Variants in TOGARAM1 observed in about 807,000 individuals in gnomAD.
TOGARAM1 encodes the protein TOG array regulator of axonemal microtubules protein 1.
TOGARAM1 carries 100 observed loss-of-function variants against 166.6 expected under a neutral mutation model. The observed-to-expected ratio is 0.60, with a 90% confidence interval of 0.51 to 0.71. The LOEUF (loss-of-function observed/expected upper bound fraction) is 0.71. TOGARAM1 is among the 30% of genes least tolerant of loss of function. The pLI is 0.00. For synonymous variants in TOGARAM1, 758 were observed against 763.8 expected, an observed-to-expected ratio of 0.99 and a Z score of 0.13; for missense variants, 2,029 against 2,102.7, an observed-to-expected ratio of 0.96 and a Z score of 0.69.
intron 1 of TOGARAM1, among the ~76,000 whole-genome samples, chr14:44,981,540 T>G (rs547483530): frequency 6.6e-6 from 1 of 152,310 alleles, no homozygotes; most frequent in South Asian, 2.1e-4. Flanking sequence ...TTCTTATACA[T>G]TACAGCCTAC....
intron 15 of TOGARAM1, among the ~76,000 whole-genome samples, chr14:45,053,750 A>G (rs951049216): frequency 4.2e-4 from 64 of 152,298 alleles, no homozygotes; most frequent in African/African-American, 1.5e-3. Context: ...GTTCTCATCA[A>G]AATGTTTATT....
In TOGARAM1 at chr14:45,011,778, A is replaced by AAT. The variant is rs754565793; in HGVS notation, c.3138-190_3138-189dup. On this transcript the variant is annotated intron_variant, in intron 6 of 19. Coordinates refer to ENST00000361462, the MANE Select transcript of TOGARAM1 (RefSeq NM_001308120.2). ...CCAAAAGGTGAACTAAGAATAGCAAAATATATATGTGTGTGTGTGTGTGTG... is the reference window on the plus strand; with the variant it reads ...CCAAAAGGTGAACTAAGAATAGCAAAATATATATATGTGTGTGTGTGTGTGTG... 743 of 402,140 alleles carry AAT rather than the reference A, an allele frequency of 1.8e-3. 2 individuals are homozygous for AAT. Among genetic ancestry groups the AAT allele is most frequent in the Non-Finnish European group, 2.7e-3 (623 of 227,494 alleles). The allele number at this position is 402,140 out of a possible 1,614,324, so 24.9% of individuals were successfully genotyped here. A position where few individuals can be genotyped will look rare whatever the true frequency, so the allele number is the denominator to read the frequency against.
chr14:45,063,479 G>GTTTTTTTTTTTTTTTTT lies in TOGARAM1; in HGVS notation c.4560-3093_4560-3077dup, dbSNP rs373702236. 4.5e-4 allele frequency among the ~76,000 whole-genome samples: 54 copies of GTTTTTTTTTTTTTTTTT among 118,686 alleles called. 1 individual carries two copies. The highest frequency in any genetic ancestry group is 1.7e-3 in the African/African-American group (48 of 27,704). The allele number at this position is 118,686 out of a possible 152,430, so 77.9% of individuals were successfully genotyped here. On this transcript the variant is annotated intron_variant, in intron 16 of 19. Coordinates refer to ENST00000361462, the MANE Select transcript of TOGARAM1 (RefSeq NM_001308120.2). ...ATAAACTAGTATCTCATTTGACAAAGTTTTTTTTTTTTTTTTTTTTTTGGA... is the reference window on the plus strand; with the variant it reads ...ATAAACTAGTATCTCATTTGACAAAGTTTTTTTTTTTTTTTTTTTTTTTTTTTTTTTTTTTTTTTGGA...
intron 1 of TOGARAM1, among the ~76,000 whole-genome samples, chr14:44,964,966 A>AG (rs1885440944): frequency 6.7e-6 from 1 of 150,296 alleles, no homozygotes; most frequent in Non-Finnish European, 1.5e-5. Flanking sequence ...AAAAAAAAAA[A>AG]AAAAAAAGGA....
intron 7 of TOGARAM1, 154 bp from the exon 8 acceptor site, chr14:45,025,629 C>A (rs1880789484): frequency 2.7e-5 from 13 of 488,194 alleles, no homozygotes; most frequent in South Asian, 1.2e-4. Context: ...CAGTTACAAA[C>A]ATTTATAATG....
chr14:45,071,643 C>A, intron 18 of TOGARAM1, 69 bp from the exon 19 acceptor site: 1 of 999,618 alleles, frequency 1.0e-6, no homozygotes. Flanking sequence ...CTTTTCAATG[C>A]TATGTAATGG....
At chr14:45,044,540 C>CAA (rs11393574) in intron 12 of TOGARAM1, 95 bp from the exon 13 acceptor site, 77,875 of 583,264 alleles carry the variant, frequency 0.13, 7 homozygotes, top group Non-Finnish European at 0.15. Flanking sequence ...GACCCTAACT[C>CAA]AAAAAAAAAA....
chr14:45,031,092 A>G (rs1431156970), intron 10 of TOGARAM1, among the ~76,000 whole-genome samples: 1 of 152,198 alleles, frequency 6.6e-6, no homozygotes, highest in East Asian at 1.9e-4. Context: ...TGCAACATCA[A>G]GTGAAATCTC....
intron 15 of TOGARAM1, 48 bp downstream of exon 15, chr14:45,052,610 G>C: frequency 1.3e-5 from 19 of 1,516,908 alleles, no homozygotes; most frequent in Non-Finnish European, 1.7e-5. Context: ...AGCAAAGCTT[G>C]TTTTTACATC....
intron 19 of TOGARAM1, among the ~76,000 whole-genome samples, 153 bp downstream of exon 19, chr14:45,071,951 G>A (rs926077684): frequency 2.0e-5 from 3 of 152,130 alleles, no homozygotes; most frequent in African/African-American, 7.2e-5. Context: ...AACCTTTTAA[G>A]ACTTTTACCC....
intron 16 of TOGARAM1, among the ~76,000 whole-genome samples, chr14:45,061,897 A>G (rs905227930): frequency 6.6e-6 from 1 of 152,124 alleles, no homozygotes; most frequent in Non-Finnish European, 1.5e-5. Context: ...TACAGGTGCT[A>G]TTTAGAAGTG....
intron 11 of TOGARAM1, among the ~76,000 whole-genome samples, chr14:45,036,027 G>A (rs546626609): frequency 6.6e-6 from 1 of 150,608 alleles, no homozygotes; most frequent in East Asian, 1.9e-4. Flanking sequence ...CTAATCAGGA[G>A]GCTGAGGCAG....
At chr14:45,002,440 G>A (rs755800888) in intron 3 of TOGARAM1, among the ~76,000 whole-genome samples, 48 of 152,100 alleles carry the variant, frequency 3.2e-4, no homozygotes, top group Non-Finnish European at 5.4e-4. Context: ...GGGATACCAC[G>A]TTTTTCTAGA....
In TOGARAM1 at chr14:44,963,489, T is replaced by C. The variant is rs1036436901; in HGVS notation, c.1068T>C (p.His356=). The C allele has an allele frequency of 6.2e-7, 1 of 1,614,220 alleles. No homozygotes were observed. Among genetic ancestry groups the C allele is most frequent in the Non-Finnish European group, 8.5e-7 (1 of 1,180,042 alleles). ...LKFGIIPQEL[H]SRLLDQEDYK... The stretch of plus-strand genomic sequence containing the variant: ...TTGGGATTATTCCTCAGGAGCTGCA[T>C]TCACGATTATTGGATCAGGAAGACT... The change falls in exon 1 of 20, where the codon CAT becomes CAC. Residue 356 remains histidine, a synonymous_variant. Coordinates refer to ENST00000361462, the MANE Select transcript of TOGARAM1 (RefSeq NM_001308120.2).
In TOGARAM1 at chr14:45,063,479, G is replaced by GTTTTTTT. The variant is rs373702236; in HGVS notation, c.4560-3083_4560-3077dup. ...ATAAACTAGTATCTCATTTGACAAA[G>GTTTTTTT]TTTTTTTTTTTTTTTTTTTTTTGGA... is the stretch of plus-strand genomic sequence containing the variant. On this transcript the variant is annotated intron_variant, in intron 16 of 19. Coordinates refer to ENST00000361462, the MANE Select transcript of TOGARAM1 (RefSeq NM_001308120.2). Among the ~76,000 whole-genome samples, 149 of 118,678 alleles carry GTTTTTTT rather than the reference G, an allele frequency of 1.3e-3. 5 individuals carry two copies. Among genetic ancestry groups the GTTTTTTT allele is most frequent in the African/African-American group, 5.1e-3 (140 of 27,700 alleles). 77.9% of individuals were successfully genotyped at this position (118,678 alleles called of 152,430 possible).
Position 45,009,437 on chromosome 14 carries a change from T to C in TOGARAM1, c.3137+292T>C, listed in dbSNP as rs113611011. On this transcript the variant is annotated intron_variant, in intron 6 of 19. Coordinates refer to ENST00000361462, the MANE Select transcript of TOGARAM1 (RefSeq NM_001308120.2). ...TTGTCTAGGATTTATCCTAATGCTT[T>C]TTGACCTTTAGCTCTTTTCTGGATT... Among the ~76,000 whole-genome samples the C allele has an allele frequency of 3.3e-3, 497 of 152,332 alleles. 5 individuals carry two copies. The highest frequency in any genetic ancestry group is 0.011 in the African/African-American group (472 of 41,572).
intron 14 of TOGARAM1, among the ~76,000 whole-genome samples, chr14:45,048,325 A>AG (rs1190899320): frequency 1.3e-5 from 2 of 151,730 alleles, no homozygotes; most frequent in Non-Finnish European, 2.9e-5. Flanking sequence ...AAAAAAAAAA[A>AG]AAAAAAAAAA....
At chr14:45,025,144 C>T (rs1021163023) in intron 7 of TOGARAM1, among the ~76,000 whole-genome samples, 1 of 152,158 alleles carries the variant, frequency 6.6e-6, no homozygotes, top group Non-Finnish European at 1.5e-5. Context: ...ATTGCTGTGA[C>T]ATTGACCTGA....
chr14:45,002,079 A>G (rs1887714648), intron 3 of TOGARAM1, among the ~76,000 whole-genome samples: 1 of 152,142 alleles, frequency 6.6e-6, no homozygotes, highest in South Asian at 2.1e-4. Flanking sequence ...TGAAATTAGT[A>G]GAGAAGATTT....
Sources: allele counts gnomAD v4.1 joint callset (sites outside exome capture counted in the v4.1 genomes callset), GRCh38; gene constraint gnomAD v4.1.1; transcripts MANE v1.5; gene names NCBI Gene and HGNC (gene_info 2026-07-23, HGNC 2026-07-21).